SLC46A1: variants seen among roughly 807,000 people sequenced by gnomAD.
The protein encoded by SLC46A1 is proton-coupled folate transporter.
SLC46A1 carries 17 observed loss-of-function variants against 32.1 expected under a neutral mutation model. The ratio of observed to expected loss-of-function variants is 0.53; its 90% CI spans 0.36 to 0.79. The LOEUF is 0.79. Among genes scored for constraint, SLC46A1 ranks in the 30% least tolerant of loss-of-function variants. The pLI is 0.00. For missense variants in SLC46A1, 517 were observed against 588.2 expected (o/e 0.88, Z 1.25); for synonymous variants, 240 against 262.7 (o/e 0.91, Z 0.84).
Position 28,402,219 on chromosome 17 carries a change from G to C in SLC46A1, c.1165+19C>G. 6.2e-7 allele frequency: 1 copy of C among 1,606,886 alleles called. No homozygotes were observed. The highest frequency in any genetic ancestry group is 8.5e-7 in the Non-Finnish European group (1 of 1,175,660). On this transcript the variant is annotated intron_variant, in intron 3 of 4. Coordinates refer to ENST00000612814, the MANE Select transcript of SLC46A1 (RefSeq NM_080669.6). ...CACTGGACATGAGGAACCAGACACAGGTGGGTTCTGACACTCACCCTGCTC... is the reference window on the plus strand; with the variant it reads ...CACTGGACATGAGGAACCAGACACACGTGGGTTCTGACACTCACCCTGCTC...
In SLC46A1 at chr17:28,405,151, G is replaced by C; in HGVS notation, c.546C>G (p.Ala182=). The C allele has an allele frequency of 1.9e-6, 3 of 1,612,064 alleles. No individual in the cohort carries two copies. The highest frequency in any genetic ancestry group is 2.5e-6 in the Non-Finnish European group (3 of 1,178,810). Residue 182 remains alanine (A), a synonymous_variant, in exon 2 of 5, where the codon GCC becomes GCG. Coordinates refer to ENST00000612814, the MANE Select transcript of SLC46A1 (RefSeq NM_080669.6). ...SSSRSRTFRM[A]LLEASIGVAG... is the part of the protein sequence containing the mutation. ...CCACCCCGATGCTGGCTTCCAGCAG[G>C]GCCATCCGGAAGGTGCGGCTGCGAC...
chr17:28,396,017 A>C lies in SLC46A1; in HGVS notation c.*3639T>G. On this transcript the variant is annotated 3_prime_UTR_variant, in exon 5 of 5. Transcript: ENST00000612814. ...GACATGCAGGCTGTGCTTACTTTCA[A>C]CGGTATCAAGTGAGCCCCAGGGCCC... 3.1e-6 allele frequency: 5 copies of C among 1,613,726 alleles called. No homozygotes were observed. Among genetic ancestry groups the C allele is most frequent in the Non-Finnish European group, 4.2e-6 (5 of 1,179,796 alleles).
At position 28,396,084 on chromosome 17, in the gene SLC46A1, A is replaced by G; in HGVS notation, c.*3572T>C. ...GGGTACAAATCACCATGACAGGCAGAGTGTGGGCAAACAGCTGACTAGCAG... is the reference window on the plus strand; with the variant it reads ...GGGTACAAATCACCATGACAGGCAGGGTGTGGGCAAACAGCTGACTAGCAG... On this transcript the variant is annotated 3_prime_UTR_variant, in exon 5 of 5. Coordinates refer to ENST00000612814, the MANE Select transcript of SLC46A1 (RefSeq NM_080669.6). The G allele has an allele frequency of 6.2e-7, 1 of 1,613,536 alleles. No homozygotes were observed. The highest frequency in any genetic ancestry group is 1.3e-5 in the African/African-American group (1 of 75,030).
Position 28,397,945 on chromosome 17 carries a change from G to A in SLC46A1, c.*1711C>T, listed in dbSNP as rs1204234366. On this transcript the variant is annotated 3_prime_UTR_variant, in exon 5 of 5. Transcript: ENST00000612814. ...TCAGAAAGTCAAAGGTCTCACTCCA[G>A]GTTTGGGGCTCCTTCCTTCCACTCC... 6.6e-6 allele frequency: 1 copy of A among 152,624 alleles called. No homozygotes were observed. Among genetic ancestry groups the A allele is most frequent in the Non-Finnish European group, 1.5e-5 (1 of 68,390 alleles). 9.5% of individuals were successfully genotyped at this position (152,624 alleles called of 1,614,324 possible). A position where few individuals can be genotyped will look rare whatever the true frequency, so the allele number is the denominator to read the frequency against.
rs782240413 is a variant in SLC46A1, at chr17:28,396,326, C to CCAT, written c.*3327_*3329dup. ...CCCAGCCCTGCTGTGACTTCCATTTCCATCGTCCTTTCTGAAGGAACAGCT... is the reference window on the plus strand; with the variant it reads ...CCCAGCCCTGCTGTGACTTCCATTTCCATCATCGTCCTTTCTGAAGGAACAGCT... On this transcript the variant is annotated 3_prime_UTR_variant, in exon 5 of 5. Coordinates refer to ENST00000612814, the MANE Select transcript of SLC46A1 (RefSeq NM_080669.6). The CCAT allele has an allele frequency of 1.9e-6, 3 of 1,610,048 alleles. No homozygotes were observed. In the African/African-American group the frequency reaches 4.0e-5, roughly 21 times the overall value.
chr17:28,399,180 C>T lies in SLC46A1; in HGVS notation c.*476G>A, dbSNP rs893997849. 8.1e-5 allele frequency: 13 copies of T among 160,288 alleles called. No individual in the cohort carries two copies. Among genetic ancestry groups the T allele is most frequent in the Admixed American group, 6.0e-4 (10 of 16,632 alleles). The allele number at this position is 160,288 out of a possible 1,614,324, so 9.9% of individuals were successfully genotyped here. A position where few individuals can be genotyped will look rare whatever the true frequency, so the allele number is the denominator to read the frequency against. On this transcript the variant is annotated 3_prime_UTR_variant, in exon 5 of 5. Coordinates refer to ENST00000612814, the MANE Select transcript of SLC46A1 (RefSeq NM_080669.6). ...CAAGCCCCTCTTACCTCCCTCCCTC[C>T]TTCCCAAGGCTGGCACTAACCAGGT...
chr17:28,404,855 T>C lies in SLC46A1; in HGVS notation c.842A>G (p.His281Arg). ...GGTTAAGATGTCCTGGGCCCCAAAG[T>C]GCACAGTGATCACCACGAAGATGGC... ...SLAIFVVITVHFGAQDILTLY... is the reference protein window; with the variant it reads ...SLAIFVVITVRFGAQDILTLY... Residue 281 changes from histidine to arginine, a missense_variant, in exon 2 of 5, where the codon CAC (histidine) becomes CGC (arginine). Transcript: ENST00000612814. 1.9e-6 allele frequency: 3 copies of C among 1,613,952 alleles called. No individual in the cohort carries two copies. Among genetic ancestry groups the C allele is most frequent in the Non-Finnish European group, 2.5e-6 (3 of 1,179,876 alleles).
chr17:28,405,989 G>C lies in SLC46A1; in HGVS notation c.126C>G (p.Leu42=). ...AGCGGTGCCACAGATACTGCGTGGT[G>C]AGCGGGCCCTGCAGGACCAAGGCAA... ...ANFALVLQGP[L]TTQYLWHRFS... Residue 42 remains leucine (L), a synonymous_variant, in exon 1 of 5, where the codon CTC becomes CTG. Coordinates refer to ENST00000612814, the MANE Select transcript of SLC46A1 (RefSeq NM_080669.6). 1 of 1,611,556 alleles carries C rather than the reference G, an allele frequency of 6.2e-7. No homozygotes were observed. The highest frequency in any genetic ancestry group is 8.5e-7 in the Non-Finnish European group (1 of 1,179,290).
In SLC46A1 at chr17:28,405,219, G is replaced by A. The variant is rs1411766250; in HGVS notation, c.478C>T (p.Leu160Phe). ...LCALLGDFGG[L>F]LAASFASVAD... ...ACGGACGCAAAGCTAGCAGCCAGAA[G>A]GCCACCGAAGTCGCCGAGGAGGGCA... The change falls in exon 2 of 5, where the codon CTT becomes TTT. Residue 160 changes from leucine to phenylalanine, a missense_variant. Leu to Phe is a conservative substitution (Grantham distance 22). Coordinates refer to ENST00000612814, the MANE Select transcript of SLC46A1 (RefSeq NM_080669.6). 5.0e-6 allele frequency: 8 copies of A among 1,597,508 alleles called. No individual in the cohort carries two copies. Among genetic ancestry groups the A allele is most frequent in the African/African-American group, 2.7e-5 (2 of 74,494 alleles).
chr17:28,402,278 G>A lies in SLC46A1; in HGVS notation c.1125C>T (p.Ile375=). The change falls in exon 3 of 5, where the codon ATC becomes ATT. Residue 375 remains isoleucine, a synonymous_variant. Transcript: ENST00000612814. The part of the protein sequence containing the change: ...LFLSLVITPV[I]RAKLSKLVRE... ...TCACCAGCTTGGAGAGTTTAGCCCG[G>A]ATGACAGGTGTGATGACTAATGACA... 1 of 1,613,618 alleles carries A rather than the reference G, an allele frequency of 6.2e-7. No homozygotes were observed. Among genetic ancestry groups the A allele is most frequent in the Non-Finnish European group, 8.5e-7 (1 of 1,179,760 alleles).
rs372019717 is a variant in SLC46A1, at chr17:28,396,305, G to C, written c.*3351C>G. On this transcript the variant is annotated 3_prime_UTR_variant, in exon 5 of 5. Coordinates refer to ENST00000612814, the MANE Select transcript of SLC46A1 (RefSeq NM_080669.6). ...AACCTAACCAGTCCCCAGTTCCCCA[G>C]CCCTGCTGTGACTTCCATTTCCATC... is the stretch of plus-strand genomic sequence containing the variant. The C allele has an allele frequency of 3.7e-6, 6 of 1,613,110 alleles. No homozygotes were observed. In the African/African-American group the frequency reaches 8.0e-5, roughly 22 times the overall value.
intron 2 of SLC46A1, 53 bp downstream of exon 2, chr17:28,404,563 A>G (rs1555590371): frequency 1.9e-6 from 3 of 1,604,188 alleles, no homozygotes; most frequent in East Asian, 4.5e-5. Context: ...GCCGGCCCCC[A>G]GTTCTTACCC....
At chr17:28,405,748 G>T in intron 1 of SLC46A1, 139 bp downstream of exon 1, 1 of 1,077,644 alleles carries the variant, frequency 9.3e-7, no homozygotes, top group Non-Finnish European at 1.3e-6. Flanking sequence ...AGGCCCCTTT[G>T]CTCTGGTCCC....
chr17:28,402,100 T>A, intron 3 of SLC46A1, 138 bp downstream of exon 3: 1 of 674,402 alleles, frequency 1.5e-6, no homozygotes, highest in South Asian at 2.2e-5. Context: ...TTCACAGAAA[T>A]GTGTTTGTTT....
rs569488490 is a variant in SLC46A1 at position 28,405,376 on chromosome 17, C to G, written c.321G>C (p.Trp107Cys). 1.2e-5 allele frequency: 19 copies of G among 1,585,058 alleles called. No homozygotes were observed. Among genetic ancestry groups the G allele is most frequent in the Non-Finnish European group, 1.6e-5 (19 of 1,166,446 alleles). The change falls in exon 2 of 5, where the codon TGG (tryptophan) becomes TGC (cysteine). Residue 107 changes from tryptophan (W) to cysteine (C), a missense_variant. By Grantham distance (215) the Trp-to-Cys change is radical. Transcript: ENST00000612814. ...GLFSSTLLGA[W>C]SDSVGRRPLL... The stretch of plus-strand genomic sequence containing the variant: ...GCGGGCGGCGGCCCACACTGTCGCT[C>G]CAAGCTCCCAGCAGGGTGGACGAGA...
At chr17:28,406,294 G>C (rs967196427), upstream of SLC46A1, 4 of 472,476 alleles carry the variant, frequency 8.5e-6, no homozygotes, top group Non-Finnish European at 1.0e-5. This position sits in a 1 kb window ranked among gnomAD's most constrained non-coding sequence, Gnocchi z 4.5. Context: ...CGCCGCGGGT[G>C]CACCTGGCTG....
At position 28,396,037 on chromosome 17, in the gene SLC46A1, G is replaced by A; in HGVS notation, c.*3619C>T. The A allele has an allele frequency of 6.2e-7, 1 of 1,613,888 alleles. No individual in the cohort carries two copies. ...TTTCAACGGTATCAAGTGAGCCCCA[G>A]GGCCCTGGGACCAGGGGGGTAGGGT... On this transcript the variant is annotated 3_prime_UTR_variant, in exon 5 of 5. Transcript: ENST00000612814.
Position 28,399,499 on chromosome 17 carries a change from T to C in SLC46A1, c.*157A>G, listed in dbSNP as rs1555588996. ...GAGGCTGGGTCAGCTGTGGATGGGGTGGTGCCTTGGTCTCTCTTGACTACC... is the reference window on the plus strand; with the variant it reads ...GAGGCTGGGTCAGCTGTGGATGGGGCGGTGCCTTGGTCTCTCTTGACTACC... On this transcript the variant is annotated 3_prime_UTR_variant, in exon 5 of 5. Transcript: ENST00000612814. 4 of 683,330 alleles carry C rather than the reference T, an allele frequency of 5.9e-6. No homozygotes were observed. Among genetic ancestry groups the C allele is most frequent in the African/African-American group, 3.6e-5 (2 of 56,096 alleles). The allele number at this position is 683,330 out of a possible 1,614,324, so 42.3% of individuals were successfully genotyped here.
Position 28,404,733 on chromosome 17 carries a change from G to C in SLC46A1, c.964C>G (p.Leu322Val). ...HLPYLTSLLALKLLQYCLADA... is the reference protein window; with the variant it reads ...HLPYLTSLLAVKLLQYCLADA... ...GCCAGGCAGTACTGCAGGAGCTTCAGGGCCAGCAGGCTGGTGAGGTAGGGG... is the reference window on the plus strand; with the variant it reads ...GCCAGGCAGTACTGCAGGAGCTTCACGGCCAGCAGGCTGGTGAGGTAGGGG... The change falls in exon 2 of 5, where the codon CTG becomes GTG. Residue 322 changes from leucine to valine, a missense_variant. By Grantham distance (32) the Leu-to-Val change is conservative. Coordinates refer to ENST00000612814, the MANE Select transcript of SLC46A1 (RefSeq NM_080669.6). 2 of 1,614,054 alleles carry C rather than the reference G, an allele frequency of 1.2e-6. No homozygotes were observed. Among genetic ancestry groups the C allele is most frequent in the Non-Finnish European group, 1.7e-6 (2 of 1,179,902 alleles).
Sources: gnomAD v4.1 joint callset for allele counts on GRCh38, gnomAD v4.1.1 for gene constraint, Gnocchi (gnomAD v3.1) non-coding constraint, MANE v1.5 for transcripts, NCBI Gene and HGNC (gene_info 2026-07-23, HGNC 2026-07-21) for gene names.